The following RYR2 variants were observed in gnomAD, a reference collection of about 807,000 sequenced individuals.
The protein encoded by RYR2 is ryanodine receptor 2.
Under a neutral mutation model 601.1 loss-of-function variants are expected in RYR2, and 227 were observed. That is an observed-to-expected ratio of 0.38 (90% confidence interval 0.34 to 0.42). The LOEUF (loss-of-function observed/expected upper bound fraction) is 0.42. Ranked by LOEUF, RYR2 falls within the 10% of genes least tolerant of loss-of-function variation. The probability of loss-of-function intolerance (pLI) is 1.00; values close to 1 mark genes in which losing one functional copy is unlikely to be tolerated. For synonymous variants in RYR2, 2,223 were observed against 2,175.1 expected, an observed-to-expected ratio of 1.02 and a Z score of -0.61; for missense variants, 4,646 against 6,156.5, an observed-to-expected ratio of 0.75 and a Z score of 8.21.
intron 17 of RYR2, among the ~76,000 whole-genome samples, chr1:237,481,934 T>G (rs1159487720): frequency 6.6e-6 from 1 of 152,184 alleles, no homozygotes; most frequent in African/African-American, 2.4e-5. Context: ...CATGTTTTTC[T>G]TTTTTCATGA....
chr1:237,145,995 G>A (rs781083899), intron 1 of RYR2, among the ~76,000 whole-genome samples: 5 of 152,084 alleles, frequency 3.3e-5, no homozygotes, highest in African/African-American at 4.8e-5. Context: ...GGGTAATGTC[G>A]GTATTAATAA....
At chr1:237,816,486 C>T (rs544355342) in intron 100 of RYR2, among the ~76,000 whole-genome samples, 5 of 152,124 alleles carry the variant, frequency 3.3e-5, no homozygotes, top group East Asian at 1.9e-4. Context: ...AGGAGTTGTT[C>T]GAGACCAGCC....
chr1:237,324,056 T>C (rs1448036238), intron 2 of RYR2, among the ~76,000 whole-genome samples: 1 of 152,158 alleles, frequency 6.6e-6, no homozygotes, highest in Non-Finnish European at 1.5e-5. Context: ...CTGGAAATAA[T>C]ATTTCCAAAC....
chr1:237,219,031 T>A (rs945944553), intron 1 of RYR2, among the ~76,000 whole-genome samples: 1 of 150,184 alleles, frequency 6.7e-6, no homozygotes, highest in Non-Finnish European at 1.5e-5. Context: ...TTTTTTTTTT[T>A]AGCTGGCGTC....
chr1:237,651,997 A>G (rs991159395), intron 51 of RYR2, among the ~76,000 whole-genome samples: 4 of 152,032 alleles, frequency 2.6e-5, no homozygotes, highest in African/African-American at 9.7e-5. Flanking sequence ...AGATCGCACC[A>G]CTGACTCCAG....
At chr1:237,577,214 G>C (rs1168772856) in intron 29 of RYR2, among the ~76,000 whole-genome samples, 1 of 152,164 alleles carries the variant, frequency 6.6e-6, no homozygotes, top group Admixed American at 6.5e-5. Flanking sequence ...AAGCACACAG[G>C]ATGGATGAAT....
intron 2 of RYR2, among the ~76,000 whole-genome samples, chr1:237,314,104 G>A (rs1694868702): frequency 9.2e-6 from 1 of 108,156 alleles, no homozygotes; most frequent in Non-Finnish European, 1.7e-5. Context: ...TTGCTCTGTT[G>A]CCCAGGCTGG....
intron 48 of RYR2, among the ~76,000 whole-genome samples, chr1:237,645,885 T>C (rs1474071427): frequency 4.0e-5 from 6 of 151,030 alleles, no homozygotes; most frequent in Admixed American, 2.0e-4. Context: ...TTTTTTGCTT[T>C]TTTTTTTTTG....
At chr1:237,567,102 C>T (rs964480836) in intron 28 of RYR2, among the ~76,000 whole-genome samples, 4 of 48,438 alleles carry the variant, frequency 8.3e-5, no homozygotes, top group Admixed American at 3.3e-4. Flanking sequence ...TATCTTTAAG[C>T]TATAATTAGT....
chr1:237,452,390 T>C (rs1658288507), intron 14 of RYR2, among the ~76,000 whole-genome samples: 2 of 146,410 alleles, frequency 1.4e-5, no homozygotes. Flanking sequence ...GTATATATTA[T>C]ACATTATATA....
chr1:237,191,103 T>C (rs894515589), intron 1 of RYR2, among the ~76,000 whole-genome samples: 4 of 152,168 alleles, frequency 2.6e-5, no homozygotes, highest in Non-Finnish European at 4.4e-5. Context: ...GTATAAGGTG[T>C]GGGTCCAATT....
chr1:237,746,139 A>C (rs915137209), intron 80 of RYR2, among the ~76,000 whole-genome samples: 4 of 152,138 alleles, frequency 2.6e-5, no homozygotes, highest in Non-Finnish European at 5.9e-5. Flanking sequence ...TTATAAATGT[A>C]GTAATCTACC....
chr1:237,682,314 C>T (rs910037176), intron 62 of RYR2, among the ~76,000 whole-genome samples: 4 of 152,086 alleles, frequency 2.6e-5, no homozygotes, highest in African/African-American at 9.7e-5. Context: ...CTATTTTGTG[C>T]TAGCCTCAGT....
At chr1:237,579,454 C>G (rs1443796840) in intron 29 of RYR2, among the ~76,000 whole-genome samples, 1 of 151,916 alleles carries the variant, frequency 6.6e-6, no homozygotes, top group African/African-American at 2.4e-5. Flanking sequence ...CAGGGTTTCA[C>G]CATTTGGTGA....
intron 1 of RYR2, among the ~76,000 whole-genome samples, chr1:237,177,364 T>A (rs1449578184): frequency 6.6e-6 from 1 of 152,212 alleles, no homozygotes; most frequent in Non-Finnish European, 1.5e-5. Flanking sequence ...ACTTCCCAAT[T>A]TAAGAAGCAT....
chr1:237,321,448 C>T (rs865829955), intron 2 of RYR2, among the ~76,000 whole-genome samples: 4 of 152,042 alleles, frequency 2.6e-5, no homozygotes, highest in East Asian at 1.9e-4. Flanking sequence ...AACATGATTC[C>T]GATATACTTC....
At chr1:237,171,742 T>C (rs991775896) in intron 1 of RYR2, among the ~76,000 whole-genome samples, 2 of 152,224 alleles carry the variant, frequency 1.3e-5, no homozygotes, top group African/African-American at 2.4e-5. Flanking sequence ...AAGGCTTCCA[T>C]AGCTTCATCT....
At chr1:237,501,694 G>C (rs1314188297) in intron 21 of RYR2, among the ~76,000 whole-genome samples, 12 of 152,144 alleles carry the variant, frequency 7.9e-5, no homozygotes, top group Admixed American at 7.9e-4. Flanking sequence ...GAGTAATCAT[G>C]AATATTAGCT....
intron 8 of RYR2, among the ~76,000 whole-genome samples, chr1:237,379,632 A>G (rs1701289564): frequency 6.6e-6 from 1 of 152,004 alleles, no homozygotes; most frequent in African/African-American, 2.4e-5. Flanking sequence ...TTTTTATTTT[A>G]TTTTATTTAT....
Sources: allele counts gnomAD v4.1 joint callset (sites outside exome capture counted in the v4.1 genomes callset), GRCh38; gene constraint gnomAD v4.1.1; transcripts MANE v1.5; gene names NCBI Gene and HGNC (gene_info 2026-07-23, HGNC 2026-07-21).